Variants in GRIP2 observed in about 807,000 individuals in gnomAD.
The protein encoded by GRIP2 is glutamate receptor interacting protein 2.
A neutral mutation model predicts 108.3 loss-of-function variants in GRIP2; 58 were observed. The observed-to-expected ratio is 0.54, with a 90% CI of 0.43 to 0.67. The LOEUF (loss-of-function observed/expected upper bound fraction) is 0.67, where lower values mean the gene tolerates loss of function less well. GRIP2 is among the 30% of genes least tolerant of loss of function. The probability of loss-of-function intolerance (pLI) is 0.00; values close to 1 mark genes in which losing one functional copy is unlikely to be tolerated. For synonymous variants in GRIP2, 586 were observed against 598.2 expected (o/e 0.98, Z 0.30); for missense variants, 1,278 against 1,430.6 (o/e 0.89, Z 1.72).
chr3:14,583,121 C>T, the GRIP2 span, among the ~76,000 whole-genome samples: 1 of 152,244 alleles, frequency 6.6e-6, no homozygotes, highest in African/African-American at 2.4e-5. Context: ...TCCCCTACCC[C>T]TCTCCAGCTT....
chr3:14,537,159 G>A (rs533836559), intron 1 of GRIP2, among the ~76,000 whole-genome samples: 70 of 152,070 alleles, frequency 4.6e-4, no homozygotes, highest in African/African-American at 1.4e-3. Context: ...CTGTCCTTTC[G>A]ACCCAAGGCC....
In GRIP2 at chr3:14,507,542, G is replaced by A. The variant is rs368405523; in HGVS notation, c.2218+19C>T. On this transcript the variant is annotated intron_variant, in intron 18 of 23. Transcript: ENST00000621039. The surrounding 1 kb of genome is among the most constrained non-coding windows in gnomAD (Gnocchi z 4.6). ...CCTAAACCTGCTGGGTGGCTCCCAG[G>A]GGATGAAGCGAATCTCACGGTCTAG... The A allele has an allele frequency of 1.1e-5, 17 of 1,609,416 alleles. No homozygotes were observed. The highest frequency in any genetic ancestry group is 3.4e-6 in the Non-Finnish European group (4 of 1,176,064).
At chr3:14,541,868 C>T (rs118014613), upstream of GRIP2, 28 of 1,324,494 alleles carry the variant, frequency 2.1e-5, no homozygotes, top group Non-Finnish European at 2.4e-5. Flanking sequence ...CGGGGGTACA[C>T]GCACTCAATT....
At chr3:14,580,727 C>A in the GRIP2 span, among the ~76,000 whole-genome samples, 4 of 152,142 alleles carry the variant, frequency 2.6e-5, no homozygotes, top group Admixed American at 2.6e-4. Flanking sequence ...AAACAAAAAA[C>A]CCAAAAACCC....
At chr3:14,503,468 G>A in intron 21 of GRIP2, 98 bp downstream of exon 21, 1 of 806,646 alleles carries the variant, frequency 1.2e-6, no homozygotes, top group Non-Finnish European at 2.0e-6. Context: ...CATTACACAT[G>A]AGCATGATGC....
intron 21 of GRIP2, among the ~76,000 whole-genome samples, chr3:14,498,144 C>A (rs1373048462): frequency 6.6e-6 from 1 of 152,088 alleles, no homozygotes; most frequent in Non-Finnish European, 1.5e-5. Context: ...TTTAGGGATC[C>A]CCTAAGGGAA....
rs1401265871 is a variant in GRIP2 at position 14,491,527 on chromosome 3, G to A, written c.*2138C>T. 1 of 152,238 alleles carries A rather than the reference G, an allele frequency of 6.6e-6. No individual in the cohort carries two copies. The highest frequency in any genetic ancestry group is 1.9e-4 in the East Asian group (1 of 5,196). 9.4% of individuals were successfully genotyped at this position (152,238 alleles called of 1,614,324 possible). ...GAACCATCCCCATGAGAAGCCAGAA[G>A]AAATATTGCATATGAGGAGGCCGGC... On this transcript the variant is annotated 3_prime_UTR_variant, in exon 24 of 24. Coordinates refer to ENST00000621039, the MANE Select transcript of GRIP2 (RefSeq NM_001080423.4).
intron 1 of GRIP2, among the ~76,000 whole-genome samples, chr3:14,538,107 A>C (rs1197955564): frequency 1.3e-5 from 2 of 152,164 alleles, no homozygotes; most frequent in African/African-American, 4.8e-5. Context: ...CCCAGAGTCC[A>C]TCAGGAGCAG....
At chr3:14,517,713 GC>G (rs964060760) in intron 10 of GRIP2, 58 bp downstream of exon 10, 4 of 1,588,246 alleles carry the variant, frequency 2.5e-6, no homozygotes, top group Non-Finnish European at 3.4e-6. Context: ...AACAGGCATC[GC>G]CCCCTCCCTA....
the GRIP2 span, among the ~76,000 whole-genome samples, chr3:14,592,928 A>G: frequency 6.6e-6 from 1 of 152,118 alleles, no homozygotes; most frequent in African/African-American, 2.4e-5. Flanking sequence ...TGCTACCACC[A>G]TCTGACTCGT....
At chr3:14,563,016 A>G in the GRIP2 span, among the ~76,000 whole-genome samples, 4 of 150,810 alleles carry the variant, frequency 2.7e-5, no homozygotes, top group African/African-American at 9.8e-5. Context: ...AGTGGGGGAA[A>G]AAAAAAAGGA....
rs564981675 is a variant in GRIP2, at chr3:14,511,121, A to G, written c.1933+44T>C. The stretch of plus-strand genomic sequence containing the variant: ...TTGCAAGCTGGGAACCCGCTAGTCA[A>G]AGGGTGGGCCTCTGGAGGTAGGAGG... On this transcript the variant is annotated intron_variant, in intron 16 of 23. Transcript: ENST00000621039. This position sits in a 1 kb window ranked among gnomAD's most constrained non-coding sequence, Gnocchi z 4.1. 1 of 1,606,174 alleles carries G rather than the reference A, an allele frequency of 6.2e-7. No individual in the cohort carries two copies. The highest frequency in any genetic ancestry group is 1.3e-5 in the African/African-American group (1 of 74,882).
At chr3:14,515,176 CT>C in intron 11 of GRIP2, among the ~76,000 whole-genome samples, 1 of 152,306 alleles carries the variant, frequency 6.6e-6, no homozygotes, top group South Asian at 2.1e-4. Flanking sequence ...AATTGCATTC[CT>C]TTTTGTGGCT....
intron 21 of GRIP2, among the ~76,000 whole-genome samples, chr3:14,502,967 C>G (rs1019871900): frequency 2.0e-5 from 3 of 152,182 alleles, no homozygotes; most frequent in Admixed American, 2.0e-4. Context: ...TATAATTGCT[C>G]TCAGAGTGGA....
upstream of GRIP2, among the ~76,000 whole-genome samples, chr3:14,541,072 G>C (rs889832762): frequency 6.6e-6 from 1 of 152,250 alleles, no homozygotes. Context: ...GCTCTGCCCC[G>C]TCCCAGACCC....
chr3:14,527,277 C>A (rs1056284265), intron 1 of GRIP2, among the ~76,000 whole-genome samples: 5 of 145,550 alleles, frequency 3.4e-5, no homozygotes, highest in Non-Finnish European at 7.7e-5. Context: ...GAAGGTATTT[C>A]TTTTCCAAGG....
At chr3:14,517,015 T>TGAAGG in intron 11 of GRIP2, 49 bp downstream of exon 11, 1 of 1,446,558 alleles carries the variant, frequency 6.9e-7, no homozygotes, top group Non-Finnish European at 9.1e-7. Flanking sequence ...CAAGCCTCAC[T>TGAAGG]CTCAGACATA....
Position 14,507,800 on chromosome 3 carries a change from T to C in GRIP2, c.2079-100A>G, listed in dbSNP as rs1336016507. 1 of 1,397,696 alleles carries C rather than the reference T, an allele frequency of 7.2e-7. No homozygotes were observed. The highest frequency in any genetic ancestry group is 9.9e-7 in the Non-Finnish European group (1 of 1,011,140). The allele number at this position is 1,397,696 out of a possible 1,614,324, so 86.6% of individuals were successfully genotyped here. ...ATCCAGGAGAGCCACAAAGCAGAAG[T>C]CTGGCTGACCCCAGTTAAACCCAGC... On this transcript the variant is annotated intron_variant, in intron 17 of 23. Transcript: ENST00000621039. The surrounding 1 kb of genome is among the most constrained non-coding windows in gnomAD (Gnocchi z 4.6).
At chr3:14,494,026 G>T (rs954943656) in intron 23 of GRIP2, among the ~76,000 whole-genome samples, 200 bp from the exon 24 acceptor site, 7 of 152,212 alleles carry the variant, frequency 4.6e-5, no homozygotes, top group Non-Finnish European at 1.0e-4. Flanking sequence ...CAAAGAGAAA[G>T]TTCTAGGAAG....
Sources: gnomAD v4.1 joint callset for allele counts (sites outside exome capture counted in the v4.1 genomes callset) on GRCh38, gnomAD v4.1.1 for gene constraint, Gnocchi (gnomAD v3.1) non-coding constraint, MANE v1.5 for transcripts, NCBI Gene and HGNC (gene_info 2026-07-23, HGNC 2026-07-21) for gene names.